Variants in SHOC2 observed in about 807,000 individuals in gnomAD.
SHOC2 encodes the protein SHOC2 leucine rich repeat scaffold protein.
In SHOC2, 4 loss-of-function variants were observed where a neutral mutation model predicts 50.2. The observed-to-expected ratio is 0.08, with a 90% confidence interval of 0.04 to 0.18. The LOEUF (loss-of-function observed/expected upper bound fraction) is 0.18, where lower values mean the gene tolerates loss of function less well. Among genes scored for constraint, SHOC2 ranks in the 10% least tolerant of loss-of-function variants. SHOC2 has a pLI of 1.00. For missense variants in SHOC2, 388 were observed against 669.6 expected (o/e 0.58, Z 4.64); for synonymous variants, 218 against 244.5 (o/e 0.89, Z 1.01).
At position 110,964,133 on chromosome 10, in the gene SHOC2, A is replaced by G. The variant is rs560036999; in HGVS notation, c.-226A>G. 4 of 586,860 alleles carry G rather than the reference A, an allele frequency of 6.8e-6. No homozygotes were observed. The highest frequency in any genetic ancestry group is 4.8e-5 in the South Asian group (2 of 41,420). The allele number at this position is 586,860 out of a possible 1,614,324, so 36.4% of individuals were successfully genotyped here. A position where few individuals can be genotyped will look rare whatever the true frequency, so the allele number is the denominator to read the frequency against. On this transcript the variant is annotated 5_prime_UTR_variant, in exon 2 of 9. It removes an upstream start codon present in the reference 5' UTR. Coordinates refer to ENST00000369452, the MANE Select transcript of SHOC2 (RefSeq NM_007373.4). The surrounding 1 kb of genome is among the most constrained non-coding windows in gnomAD (Gnocchi z 4.9). Reference sequence around the variant, plus strand: ...TCTATATTATATTTCAGGAACTCTAATGAATCATTGATTGACCAGCACTAT... The same window carrying G: ...TCTATATTATATTTCAGGAACTCTAGTGAATCATTGATTGACCAGCACTAT...
At chr10:110,984,317 C>T (rs1848038400) in intron 2 of SHOC2, among the ~76,000 whole-genome samples, 2 of 152,086 alleles carry the variant, frequency 1.3e-5, no homozygotes, top group Non-Finnish European at 2.9e-5. Context: ...CTATTGAAGT[C>T]CATTGCCCAT....
chr10:110,993,967 C>G (rs1848226610), intron 3 of SHOC2, among the ~76,000 whole-genome samples: 1 of 152,194 alleles, frequency 6.6e-6, no homozygotes, highest in Non-Finnish European at 1.5e-5. Flanking sequence ...AGACTTCTCT[C>G]TGTTAATAAA....
At chr10:110,994,579 A>G (rs954124503) in intron 3 of SHOC2, among the ~76,000 whole-genome samples, 2 of 152,226 alleles carry the variant, frequency 1.3e-5, no homozygotes, top group Non-Finnish European at 2.9e-5. Context: ...AGAATGAGGT[A>G]TATCTGTGTT....
intron 2 of SHOC2, among the ~76,000 whole-genome samples, chr10:110,984,667 G>T (rs1184340038): frequency 1.1e-4 from 17 of 152,078 alleles, no homozygotes; most frequent in Admixed American, 1.1e-3. Context: ...AATTAAAAAT[G>T]AAAAGGTTTT....
intron 2 of SHOC2, among the ~76,000 whole-genome samples, chr10:110,982,601 G>A (rs892431362): frequency 6.6e-6 from 1 of 151,584 alleles, no homozygotes; most frequent in Admixed American, 6.6e-5. Context: ...TTTCTCTGAT[G>A]GCCAGTGATG....
intron 2 of SHOC2, among the ~76,000 whole-genome samples, chr10:110,975,976 T>A (rs546646046): frequency 6.6e-6 from 1 of 152,098 alleles, no homozygotes; most frequent in Non-Finnish European, 1.5e-5. Flanking sequence ...AATGGCGCAG[T>A]CTTGGCTCAT....
intron 1 of SHOC2, among the ~76,000 whole-genome samples, chr10:110,944,182 T>C (rs931475859): frequency 1.3e-5 from 2 of 152,244 alleles, no homozygotes; most frequent in Non-Finnish European, 2.9e-5. Flanking sequence ...CCATAGTATA[T>C]TGTTATCTCC....
At chr10:110,993,955 G>A (rs1188127230) in intron 3 of SHOC2, among the ~76,000 whole-genome samples, 1 of 152,142 alleles carries the variant, frequency 6.6e-6, no homozygotes, top group Non-Finnish European at 1.5e-5. Flanking sequence ...GTAAGATCAT[G>A]GAGACTTCTC....
intron 8 of SHOC2, 58 bp downstream of exon 8, chr10:111,009,888 C>A: frequency 1.1e-6 from 1 of 902,240 alleles, no homozygotes. Context: ...TGCATTCAAG[C>A]AATATTTCAG....
At chr10:110,921,521 G>T (rs1299338682) in intron 1 of SHOC2, among the ~76,000 whole-genome samples, 1 of 152,024 alleles carries the variant, frequency 6.6e-6, no homozygotes, top group Admixed American at 6.5e-5. Context: ...TTTTCCCAAG[G>T]TGCTTGTTCA....
At chr10:110,992,234 CAG>C (rs1848198129) in intron 3 of SHOC2, among the ~76,000 whole-genome samples, 1 of 152,040 alleles carries the variant, frequency 6.6e-6, no homozygotes, top group African/African-American at 2.4e-5. Context: ...GAGGAAGAGA[CAG>C]AAGGAAATGG....
At chr10:110,926,196 T>C (rs751518572) in intron 1 of SHOC2, among the ~76,000 whole-genome samples, 1 of 152,204 alleles carries the variant, frequency 6.6e-6, no homozygotes, top group Non-Finnish European at 1.5e-5. Context: ...TGTAATGATA[T>C]ATTTGATGTC....
intron 3 of SHOC2, among the ~76,000 whole-genome samples, chr10:110,994,151 C>CTG (rs957464791): frequency 1.5e-4 from 23 of 152,226 alleles, no homozygotes; most frequent in African/African-American, 4.8e-4. Context: ...TTATCTGCAG[C>CTG]TGCATACAGG....
chr10:110,925,611 C>T (rs1031571700), intron 1 of SHOC2, among the ~76,000 whole-genome samples: 9 of 152,174 alleles, frequency 5.9e-5, no homozygotes, highest in African/African-American at 2.2e-4. Context: ...TGTGTACCAC[C>T]ATGCCTGGCT....
At chr10:110,919,745 C>T in intron 1 of SHOC2, 88 bp downstream of exon 1, 2 of 395,874 alleles carry the variant, frequency 5.1e-6, no homozygotes, top group Non-Finnish European at 8.9e-6. Context: ...GGCTGGCTGT[C>T]GGTAGGGGGA....
At chr10:110,972,471 A>G (rs1847801103) in intron 2 of SHOC2, among the ~76,000 whole-genome samples, 1 of 152,242 alleles carries the variant, frequency 6.6e-6, no homozygotes, top group South Asian at 2.1e-4. Flanking sequence ...CCAGCAAGAA[A>G]CATTAGAAAC....
chr10:111,009,631 A>G, intron 7 of SHOC2, 82 bp from the exon 8 acceptor site: 1 of 907,332 alleles, frequency 1.1e-6, no homozygotes, highest in Admixed American at 2.0e-5. Context: ...AATTTATTTT[A>G]TTGTTTAGAC....
At chr10:110,996,506 C>T (rs888699773) in intron 3 of SHOC2, among the ~76,000 whole-genome samples, 7 of 149,896 alleles carry the variant, frequency 4.7e-5, no homozygotes, top group Admixed American at 4.0e-4. Context: ...CCAGCATGGG[C>T]GACAGAGTCA....
chr10:110,919,863 G>A (rs1271757992), intron 1 of SHOC2: 1 of 366,660 alleles, frequency 2.7e-6, no homozygotes, highest in Non-Finnish European at 4.9e-6. Flanking sequence ...GCTGTCTCCG[G>A]GAGTGCGGGG....
Sources: gnomAD v4.1 joint callset for allele counts (sites outside exome capture counted in the v4.1 genomes callset) on GRCh38, gnomAD v4.1.1 for gene constraint, Gnocchi (gnomAD v3.1) non-coding constraint, MANE v1.5 for transcripts, NCBI Gene and HGNC (gene_info 2026-07-23, HGNC 2026-07-21) for gene names.